ADAMTS17: variants seen among roughly 807,000 people sequenced by gnomAD.
ADAMTS17 encodes A disintegrin and metalloproteinase with thrombospondin motifs 17.
In ADAMTS17, 113 loss-of-function variants were observed where a neutral mutation model predicts 141.5. The ratio of observed to expected loss-of-function variants is 0.80; its 90% CI spans 0.69 to 0.93. The LOEUF (loss-of-function observed/expected upper bound fraction) is 0.93. Among genes scored for constraint, ADAMTS17 ranks in the 40% least tolerant of loss-of-function variants. The pLI, the probability that ADAMTS17 is intolerant of heterozygous loss-of-function variation, is 0.00. For synonymous variants in ADAMTS17, 768 were observed against 630.6 expected, an observed-to-expected ratio of 1.22 and a Z score of -3.27; for missense variants, 1,659 against 1,517.9, an observed-to-expected ratio of 1.09 and a Z score of -1.54.
chr15:100,286,109 G>A (rs7183032), intron 3 of ADAMTS17, among the ~76,000 whole-genome samples: 2,682 of 152,050 alleles, frequency 0.018, 95 homozygotes, highest in African/African-American at 0.061. Context: ...CCACCGACGC[G>A]ACCAGCCCAC....
intron 2 of ADAMTS17, among the ~76,000 whole-genome samples, chr15:100,333,458 G>A (rs1241362750): frequency 2.6e-5 from 4 of 152,186 alleles, no homozygotes; most frequent in Non-Finnish European, 2.9e-5. Flanking sequence ...CTCTGGGGTG[G>A]AGCCCAGGCA....
chr15:100,108,506 G>A (rs751103776), intron 14 of ADAMTS17, among the ~76,000 whole-genome samples: 1 of 152,112 alleles, frequency 6.6e-6, no homozygotes, highest in African/African-American at 2.4e-5. Flanking sequence ...TTTTATCACT[G>A]TTCTAACCAG....
rs543563167 is a variant in ADAMTS17 at position 100,226,282 on chromosome 15, C to T, written c.1076-26859G>A. ...TCCAAGACAGTGGAGGATCTGGGTCCTTGGAGTTCCCAGGGAGGCCACAGA... is the reference window on the plus strand; with the variant it reads ...TCCAAGACAGTGGAGGATCTGGGTCTTTGGAGTTCCCAGGGAGGCCACAGA... On this transcript the variant is annotated intron_variant, in intron 7 of 21. Coordinates refer to ENST00000268070, the MANE Select transcript of ADAMTS17 (RefSeq NM_139057.4). Among the ~76,000 whole-genome samples, 223 of 152,374 alleles carry T rather than the reference C, an allele frequency of 1.5e-3. 1 individual carries two copies. The highest frequency in any genetic ancestry group is 5.2e-3 in the African/African-American group (218 of 41,592).
chr15:100,257,879 C>G (rs924800451), intron 6 of ADAMTS17, among the ~76,000 whole-genome samples: 1 of 152,222 alleles, frequency 6.6e-6, no homozygotes, highest in South Asian at 2.1e-4. Flanking sequence ...TCACCCCACA[C>G]CGAAACTCTG....
At chr15:100,296,199 G>A (rs1047491880) in intron 3 of ADAMTS17, among the ~76,000 whole-genome samples, 1 of 152,082 alleles carries the variant, frequency 6.6e-6, no homozygotes, top group South Asian at 2.1e-4. Flanking sequence ...TTGAACACAC[G>A]CACTTGCAAA....
intron 8 of ADAMTS17, among the ~76,000 whole-genome samples, chr15:100,172,020 T>C (rs928957271): frequency 2.0e-4 from 30 of 152,116 alleles, no homozygotes; most frequent in Non-Finnish European, 1.0e-4. Context: ...CCAGCAACAA[T>C]GTAGACACTA....
intron 18 of ADAMTS17, among the ~76,000 whole-genome samples, chr15:100,019,587 C>A (rs2061362896): frequency 6.6e-6 from 1 of 152,186 alleles, no homozygotes; most frequent in Non-Finnish European, 1.5e-5. Context: ...TATGACCACA[C>A]CTGCGCTCCA....
At position 100,281,542 on chromosome 15, in the gene ADAMTS17, C is replaced by T; in HGVS notation, c.617-141G>A. 5 of 1,132,552 alleles carry T rather than the reference C, an allele frequency of 4.4e-6. No homozygotes were observed. The South Asian group carries it at 5.4e-5, about 12-fold the overall frequency. The allele number at this position is 1,132,552 out of a possible 1,614,324, so 70.2% of individuals were successfully genotyped here. ...GAGGGGCCCAGCACCCAGCAATCTC[C>T]ACCGTCATGTGGGTGCCCCGAGTTC... On this transcript the variant is annotated intron_variant, in intron 3 of 21. Transcript: ENST00000268070.
chr15:100,250,090 C>A (rs1006455420), intron 7 of ADAMTS17, among the ~76,000 whole-genome samples: 6 of 152,066 alleles, frequency 3.9e-5, no homozygotes, highest in Admixed American at 2.0e-4. Flanking sequence ...TAAAAAAGCA[C>A]GATTTAAAAC....
chr15:100,146,037 G>C (rs149773903), intron 10 of ADAMTS17, among the ~76,000 whole-genome samples: 3,217 of 152,298 alleles, frequency 0.021, 122 homozygotes, highest in African/African-American at 0.073. Flanking sequence ...GCTGGGTGTG[G>C]TGGCGCATGC....
intron 3 of ADAMTS17, among the ~76,000 whole-genome samples, chr15:100,288,406 A>G (rs1035119268): frequency 6.6e-6 from 1 of 152,226 alleles, no homozygotes; most frequent in Non-Finnish European, 1.5e-5. Flanking sequence ...CAGATAATAC[A>G]TAGTAACAGC....
intron 8 of ADAMTS17, among the ~76,000 whole-genome samples, chr15:100,158,518 C>A (rs890227614): frequency 2.0e-5 from 3 of 152,138 alleles, no homozygotes; most frequent in African/African-American, 7.2e-5. Context: ...TTGCGGACTA[C>A]AATTGCAATG....
At chr15:100,211,625 T>C (rs1348189065) in intron 7 of ADAMTS17, among the ~76,000 whole-genome samples, 1 of 152,166 alleles carries the variant, frequency 6.6e-6, no homozygotes, top group Non-Finnish European at 1.5e-5. Flanking sequence ...TTGGGCTATC[T>C]AGCTAAATCC....
rs2036741561 is a variant in ADAMTS17, at chr15:100,110,982, C to T, written c.1889-1866G>A. On this transcript the variant is annotated intron_variant, in intron 13 of 21. Coordinates refer to ENST00000268070, the MANE Select transcript of ADAMTS17 (RefSeq NM_139057.4). Reference sequence around the variant, plus strand: ...CTTCTCACCAGGCTCCACAGGAAATCTTGTCTTACAGCGCTGGAAAGAAGC... The same window carrying T: ...CTTCTCACCAGGCTCCACAGGAAATTTTGTCTTACAGCGCTGGAAAGAAGC... 3.9e-5 allele frequency among the ~76,000 whole-genome samples: 6 copies of T among 152,330 alleles called. No homozygotes were observed. The South Asian group carries it at 1.2e-3, about 32-fold the overall frequency.
chr15:100,185,212 T>C (rs1202845816), intron 8 of ADAMTS17, among the ~76,000 whole-genome samples: 4 of 152,214 alleles, frequency 2.6e-5, no homozygotes, highest in African/African-American at 4.8e-5. Context: ...GTGCCTCAGT[T>C]TCCCTACCTG....
intron 8 of ADAMTS17, among the ~76,000 whole-genome samples, chr15:100,195,308 G>A (rs2041070103): frequency 6.6e-6 from 1 of 152,204 alleles, no homozygotes; most frequent in Non-Finnish European, 1.5e-5. Flanking sequence ...TCTGCAGCCT[G>A]CTCCTTTGTC....
intron 3 of ADAMTS17, among the ~76,000 whole-genome samples, chr15:100,293,239 A>G (rs529994546): frequency 1.3e-5 from 2 of 152,274 alleles, no homozygotes; most frequent in South Asian, 2.1e-4. Flanking sequence ...AGAAAGGCCA[A>G]TGACAGAGGT....
At chr15:100,232,834 A>G (rs1376552445) in intron 7 of ADAMTS17, among the ~76,000 whole-genome samples, 4 of 152,042 alleles carry the variant, frequency 2.6e-5, no homozygotes, top group Non-Finnish European at 5.9e-5. Context: ...TCTCGGTTGG[A>G]GGCGGCGCAG....
intron 10 of ADAMTS17, among the ~76,000 whole-genome samples, chr15:100,144,454 G>A (rs533940276): frequency 1.3e-5 from 2 of 152,186 alleles, no homozygotes; most frequent in African/African-American, 2.4e-5. Context: ...TGAGGCTGAC[G>A]CAGGAGAATC....
Sources: gnomAD v4.1 joint callset for allele counts (sites outside exome capture counted in the v4.1 genomes callset) on GRCh38, gnomAD v4.1.1 for gene constraint, MANE v1.5 for transcripts, NCBI Gene and HGNC (gene_info 2026-07-23, HGNC 2026-07-21) for gene names.